Variants in USP45 observed in about 807,000 individuals in gnomAD.
USP45 encodes ubiquitin specific peptidase 45.
USP45 carries 89 observed loss-of-function variants against 95.8 expected under a neutral mutation model. The observed-to-expected ratio is 0.93, with a 90% CI of 0.78 to 1.11. The LOEUF (loss-of-function observed/expected upper bound fraction) is 1.11, where lower values mean the gene tolerates loss of function less well. Among genes scored for constraint, USP45 ranks in the 50% least tolerant of loss-of-function variants. USP45 has a pLI of 0.00. For synonymous variants in USP45, 281 were observed against 316.2 expected (o/e 0.89, Z 1.18); for missense variants, 898 against 942.5 (o/e 0.95, Z 0.62).
At chr6:99,483,663 C>T (rs986005115) in intron 7 of USP45, among the ~76,000 whole-genome samples, 2 of 151,102 alleles carry the variant, frequency 1.3e-5, no homozygotes, top group South Asian at 4.2e-4. Context: ...AAGGTGAAAC[C>T]CTGTCTCTAC....
At chr6:99,448,065 G>A (rs1237106353) in intron 13 of USP45, among the ~76,000 whole-genome samples, 1 of 152,048 alleles carries the variant, frequency 6.6e-6, no homozygotes, top group African/African-American at 2.4e-5. Flanking sequence ...AAAGACCAAA[G>A]GTAGATAAAA....
At chr6:99,481,559 T>C (rs1792427985) in intron 8 of USP45, among the ~76,000 whole-genome samples, 1 of 152,318 alleles carries the variant, frequency 6.6e-6, no homozygotes, top group South Asian at 2.1e-4. Flanking sequence ...TGTGCAGGTT[T>C]GTTATCTGGG....
chr6:99,482,785 A>T lies in USP45; in HGVS notation c.813T>A (p.Ser271=). Residue 271 remains serine (S), a synonymous_variant, in exon 8 of 18, where the codon TCT becomes TCA. Transcript: ENST00000500704. ...SMKETEKGPL[S]PKVLFNQLCQ... ...AAAGCTGATTAAAAAGAACTTTAGG[A>T]GAAAGTGGTCCTTTTTCAGTCTCCT... 1 of 1,606,306 alleles carries T rather than the reference A, an allele frequency of 6.2e-7. No homozygotes were observed. The highest frequency in any genetic ancestry group is 8.5e-7 in the Non-Finnish European group (1 of 1,175,820).
chr6:99,504,563 C>G (rs1480489405), intron 4 of USP45, among the ~76,000 whole-genome samples: 2 of 152,052 alleles, frequency 1.3e-5, no homozygotes, highest in Admixed American at 6.6e-5. Context: ...AATGGGCATT[C>G]TTTATATACA....
Position 99,443,672 on chromosome 6 carries a change from A to C in USP45, c.1976-10T>G, listed in dbSNP as rs773108268. 9.4e-6 allele frequency: 14 copies of C among 1,495,032 alleles called. No homozygotes were observed. The highest frequency in any genetic ancestry group is 1.3e-5 in the Non-Finnish European group (14 of 1,107,000). 92.6% of individuals were successfully genotyped at this position (1,495,032 alleles called of 1,614,324 possible). A position where few individuals can be genotyped will look rare whatever the true frequency, so the allele number is the denominator to read the frequency against. Reference sequence around the variant, plus strand: ...CCTTCTACTTTCTTTTCTACATAAAATACAATAAATTTATTTATAAAATTC... The same window carrying C: ...CCTTCTACTTTCTTTTCTACATAAACTACAATAAATTTATTTATAAAATTC... On this transcript the variant is annotated splice_polypyrimidine_tract_variant and intron_variant, in intron 14 of 17. Transcript: ENST00000500704.
rs1207520476 is a variant in USP45 at position 99,485,954 on chromosome 6, A to G, written c.714+2246T>C. ...ACATCCATTCCGATAAAACTTTCAG[A>G]AAACTAGCAATAGAAAGGAATGTCC... On this transcript the variant is annotated intron_variant, in intron 7 of 17. Transcript: ENST00000500704. 2.0e-5 allele frequency among the ~76,000 whole-genome samples: 3 copies of G among 152,296 alleles called. No homozygotes were observed. In the East Asian group the frequency reaches 5.8e-4, roughly 29 times the overall value.
At chr6:99,488,368 A>G (rs1794461202) in intron 6 of USP45, 73 bp from the exon 7 acceptor site, 8 of 955,206 alleles carry the variant, frequency 8.4e-6, no homozygotes, top group Non-Finnish European at 1.2e-5. Context: ...TACACTCTCA[A>G]ATTTCATCTA....
chr6:99,448,472 A>C (rs1783047579), intron 13 of USP45, among the ~76,000 whole-genome samples: 1 of 152,226 alleles, frequency 6.6e-6, no homozygotes, highest in African/African-American at 2.4e-5. Context: ...GAAATGAAGC[A>C]AGAAGAGAAG....
intron 1 of USP45, among the ~76,000 whole-genome samples, chr6:99,510,853 A>G (rs937680624): frequency 3.3e-5 from 5 of 152,190 alleles, no homozygotes; most frequent in African/African-American, 1.2e-4. Flanking sequence ...GTTTTCATCA[A>G]CGGAGTAAGT....
chr6:99,495,155 T>G (rs1440076682), intron 5 of USP45, among the ~76,000 whole-genome samples: 1 of 152,214 alleles, frequency 6.6e-6, no homozygotes, highest in Non-Finnish European at 1.5e-5. Context: ...TTGTACAAGC[T>G]TTCTTGAGGG....
chr6:99,512,784 T>G (rs1263756854), intron 1 of USP45, among the ~76,000 whole-genome samples: 2 of 152,182 alleles, frequency 1.3e-5, no homozygotes, highest in East Asian at 1.9e-4. Flanking sequence ...TCTGAGTTCC[T>G]TGAGCACTTC....
chr6:99,465,028 A>G, intron 12 of USP45, 52 bp downstream of exon 12: 1 of 1,423,640 alleles, frequency 7.0e-7, no homozygotes, highest in East Asian at 2.3e-5. Context: ...TGTTTAAATA[A>G]ATGATTAAAT....
intron 4 of USP45, among the ~76,000 whole-genome samples, chr6:99,506,201 C>G (rs187107039): frequency 2.0e-5 from 3 of 152,196 alleles, no homozygotes; most frequent in Admixed American, 6.5e-5. Context: ...TTCAAGGAAC[C>G]CTTAGGAGTC....
chr6:99,482,051 T>C (rs2128704951), intron 8 of USP45, among the ~76,000 whole-genome samples: 1 of 152,304 alleles, frequency 6.6e-6, no homozygotes, highest in South Asian at 2.1e-4. Flanking sequence ...GATTTTAAAG[T>C]CTATAGATAT....
chr6:99,453,225 TC>T (rs2128581367), intron 13 of USP45, among the ~76,000 whole-genome samples: 1 of 150,834 alleles, frequency 6.6e-6, no homozygotes, highest in South Asian at 2.1e-4. Context: ...GTCAAATTGT[TC>T]CTCTTCACAG....
chr6:99,513,044 A>C (rs2128829110), intron 1 of USP45, among the ~76,000 whole-genome samples: 1 of 152,294 alleles, frequency 6.6e-6, no homozygotes, highest in South Asian at 2.1e-4. Flanking sequence ...TTCCTAAAGC[A>C]AGTCACATGG....
intron 8 of USP45, among the ~76,000 whole-genome samples, chr6:99,478,050 G>A (rs1001395341): frequency 6.6e-6 from 1 of 152,162 alleles, no homozygotes; most frequent in African/African-American, 2.4e-5. Context: ...GTGGTAGGTA[G>A]GAGGAGGGGG....
In USP45 at chr6:99,467,901, T is replaced by G. The variant is rs1445129496; in HGVS notation, c.1015+636A>C. Among the ~76,000 whole-genome samples, 3 of 145,592 alleles carry G rather than the reference T, an allele frequency of 2.1e-5. No homozygotes were observed. In the East Asian group the frequency reaches 6.4e-4, roughly 31 times the overall value. ...AATACAAATAATATTTTTAAATGTC[T>G]TCTAAAAATCACTTCATGCTAACAT... On this transcript the variant is annotated intron_variant, in intron 10 of 17. Transcript: ENST00000500704.
At chr6:99,470,069 C>T (rs1470548314) in intron 9 of USP45, among the ~76,000 whole-genome samples, 2 of 152,064 alleles carry the variant, frequency 1.3e-5, no homozygotes, top group South Asian at 2.1e-4. Context: ...AGGGATCTCC[C>T]AGGAGCATGG....
Sources: allele counts gnomAD v4.1 joint callset (sites outside exome capture counted in the v4.1 genomes callset), GRCh38; gene constraint gnomAD v4.1.1; transcripts MANE v1.5; gene names NCBI Gene and HGNC (gene_info 2026-07-23, HGNC 2026-07-21).